The following CACNA1B variants were observed in gnomAD, a reference collection of about 807,000 sequenced individuals.
CACNA1B encodes voltage-dependent N-type calcium channel subunit alpha-1B.
Under a neutral mutation model 247.2 loss-of-function variants are expected in CACNA1B, and 70 were observed. That is an observed-to-expected ratio of 0.28 (90% CI 0.23 to 0.35). The LOEUF is 0.35. CACNA1B is among the 10% of genes least tolerant of loss of function. CACNA1B has a pLI of 1.00. For synonymous variants in CACNA1B, 1,231 were observed against 1,294.4 expected (o/e 0.95, Z 1.05); for missense variants, 2,367 against 3,197.4 (o/e 0.74, Z 6.26).
intron 15 of CACNA1B, among the ~76,000 whole-genome samples, chr9:138,002,455 T>C (rs1958588987): frequency 6.6e-6 from 1 of 150,782 alleles, no homozygotes; most frequent in Non-Finnish European, 1.5e-5. Flanking sequence ...ATGCCTATAA[T>C]CCCAGTGCTT....
intron 36 of CACNA1B, among the ~76,000 whole-genome samples, chr9:138,087,384 C>CAA (rs58566171): frequency 0.014 from 734 of 52,576 alleles, 18 homozygotes; most frequent in African/African-American, 0.037. Flanking sequence ...GACTCTGTCT[C>CAA]AAAAAAAAAA....
intron 10 of CACNA1B, among the ~76,000 whole-genome samples, chr9:137,961,184 T>C (rs1272136954): frequency 1.3e-5 from 2 of 152,214 alleles, no homozygotes; most frequent in Non-Finnish European, 2.9e-5. Flanking sequence ...TCATGCATAA[T>C]TTGGCTCTCA....
At chr9:137,998,896 G>T (rs1420512749) in intron 15 of CACNA1B, among the ~76,000 whole-genome samples, 1 of 152,212 alleles carries the variant, frequency 6.6e-6, no homozygotes, top group African/African-American at 2.4e-5. Context: ...TGAACCAGTT[G>T]TCACATACAG....
At chr9:138,076,823 G>A (rs768680650) in intron 35 of CACNA1B, among the ~76,000 whole-genome samples, 1 of 152,238 alleles carries the variant, frequency 6.6e-6, no homozygotes, top group African/African-American at 2.4e-5. Flanking sequence ...CCTGCCTGCA[G>A]ATGCGCGCTG....
chr9:138,106,713 G>A (rs1403136181), intron 39 of CACNA1B, among the ~76,000 whole-genome samples: 1 of 152,192 alleles, frequency 6.6e-6, no homozygotes, highest in African/African-American at 2.4e-5. Flanking sequence ...GCAGTGAGCT[G>A]AGATTGTACC....
At chr9:138,033,668 C>A (rs1164956182) in intron 20 of CACNA1B, among the ~76,000 whole-genome samples, 2 of 152,094 alleles carry the variant, frequency 1.3e-5, no homozygotes, top group Non-Finnish European at 2.9e-5. Context: ...GCTGAGGAGG[C>A]CTCAGGAAAC....
Position 137,984,123 on chromosome 9 carries a change from G to A in CACNA1B, c.1657-15G>A. 6.4e-7 allele frequency: 1 copy of A among 1,574,458 alleles called. No homozygotes were observed. Among genetic ancestry groups the A allele is most frequent in the Non-Finnish European group, 8.6e-7 (1 of 1,157,402 alleles). Reference sequence around the variant, plus strand: ...CAGATACGGTGCACCCAAGGCTAATGCCATCCCGTTGCAGGTCATCGTGGG... The same window carrying A: ...CAGATACGGTGCACCCAAGGCTAATACCATCCCGTTGCAGGTCATCGTGGG... On this transcript the variant is annotated splice_polypyrimidine_tract_variant and intron_variant, in intron 12 of 46. Transcript: ENST00000371372.
In CACNA1B at chr9:138,023,572, G is replaced by C. The variant is rs1958878631; in HGVS notation, c.2829G>C (p.Pro943=). ...ACCGCGCGCACCGGCACCAGGATCCGAGCAAGGAGTGCGCCGGCGCCAAGG... is the reference window on the plus strand; with the variant it reads ...ACCGCGCGCACCGGCACCAGGATCCCAGCAAGGAGTGCGCCGGCGCCAAGG... ...RRHRAHRHQD[P]SKECAGAKGE... Residue 943 remains proline (P), a synonymous_variant, in exon 19 of 47, where the codon CCG becomes CCC. Coordinates refer to ENST00000371372, the MANE Select transcript of CACNA1B (RefSeq NM_000718.4). 1.2e-5 allele frequency: 13 copies of C among 1,084,666 alleles called. No homozygotes were observed. The highest frequency in any genetic ancestry group is 1.3e-5 in the Non-Finnish European group (12 of 889,324). The allele number at this position is 1,084,666 out of a possible 1,614,324, so 67.2% of individuals were successfully genotyped here.
In CACNA1B at chr9:138,100,134, G is replaced by A. The variant is rs536812267; in HGVS notation, c.5223-2577G>A. On this transcript the variant is annotated intron_variant, in intron 37 of 46. Coordinates refer to ENST00000371372, the MANE Select transcript of CACNA1B (RefSeq NM_000718.4). The surrounding 1 kb of genome is among the most constrained non-coding windows in gnomAD (Gnocchi z 4.6). ...TGAGCTGAACTTAAAGGAATAGGAA[G>A]GATTGAGCACTAGAGAAATAGGATG... Among the ~76,000 whole-genome samples, 1 of 152,342 alleles carries A rather than the reference G, an allele frequency of 6.6e-6. No individual in the cohort carries two copies. The highest frequency in any genetic ancestry group is 1.9e-4 in the East Asian group (1 of 5,188).
chr9:138,053,859 G>C lies in CACNA1B; in HGVS notation c.3821G>C (p.Cys1274Ser). The change falls in exon 26 of 47, where the codon TGT (cysteine) becomes TCT (serine). Residue 1274 changes from cysteine (C) to serine (S), a missense_variant. This residue lies in a region of CACNA1B where 436 missense variants were observed against 679.5 expected (regional missense o/e 0.64). Transcript: ENST00000371372. ...CTCCTCCTGCAGGCTGTGTTTGACT[G>C]TGTGGTGAACTCCCTGAAGAATGTC... The part of the protein sequence containing the change: ...RLPKLKAVFD[C>S]VVNSLKNVLN... 6.2e-7 allele frequency: 1 copy of C among 1,612,758 alleles called. No individual in the cohort carries two copies. Among genetic ancestry groups the C allele is most frequent in the East Asian group, 2.2e-5 (1 of 44,826 alleles).
intron 6 of CACNA1B, among the ~76,000 whole-genome samples, chr9:137,951,867 T>G (rs1039390340): frequency 3.9e-5 from 6 of 152,166 alleles, no homozygotes; most frequent in Non-Finnish European, 8.8e-5. Flanking sequence ...TGGGCCCCCT[T>G]CAGGAGGACA....
At chr9:137,965,971 T>C (rs1958071130) in intron 10 of CACNA1B, among the ~76,000 whole-genome samples, 2 of 152,252 alleles carry the variant, frequency 1.3e-5, no homozygotes, top group Non-Finnish European at 2.9e-5. Context: ...ATATAAAGTT[T>C]ATGATTGTTA....
At chr9:137,911,592 T>A (rs541274692) in intron 3 of CACNA1B, among the ~76,000 whole-genome samples, 1 of 151,950 alleles carries the variant, frequency 6.6e-6, no homozygotes, top group South Asian at 2.1e-4. Flanking sequence ...GTTTTTGTAT[T>A]TTTTTTTGTA....
intron 6 of CACNA1B, among the ~76,000 whole-genome samples, chr9:137,921,615 A>T (rs1957480526): frequency 6.8e-6 from 1 of 146,458 alleles, no homozygotes; most frequent in Non-Finnish European, 1.5e-5. Flanking sequence ...GCATCCTGGG[A>T]GCAGAGTAAA....
In CACNA1B at chr9:138,058,738, G is replaced by GCCCCC; in HGVS notation, c.4473+5_4473+6insCCCCC. 6.3e-7 allele frequency: 1 copy of GCCCCC among 1,598,662 alleles called. No individual in the cohort carries two copies. The highest frequency in any genetic ancestry group is 8.5e-7 in the Non-Finnish European group (1 of 1,172,466). On this transcript the variant is annotated splice_donor_region_variant and intron_variant, in intron 29 of 46. Transcript: ENST00000371372. This position sits in a 1 kb window ranked among gnomAD's most constrained non-coding sequence, Gnocchi z 4.7. ...ACTGTGGTGCTGATGATGAAGGTGT[G>GCCCCC]TGGGGCTCAGCGCAGAGGGGCAGCT...
chr9:137,923,297 A>G (rs34141327), intron 6 of CACNA1B, among the ~76,000 whole-genome samples: 35,405 of 95,284 alleles, frequency 0.37, 6,415 homozygotes, highest in East Asian at 0.69. Context: ...GTGGTATTCC[A>G]TGGTGCCAGG....
chr9:137,921,537 G>A (rs1297983365), intron 6 of CACNA1B, among the ~76,000 whole-genome samples: 127 of 108,158 alleles, frequency 1.2e-3, no homozygotes, highest in Non-Finnish European at 1.8e-3. Context: ...CATCAGCACC[G>A]TGACCGCACA....
chr9:138,100,561 G>A lies in CACNA1B; in HGVS notation c.5223-2150G>A, dbSNP rs538702453. ...AACATGATTTGGAGCTGATTGGACC[G>A]AGGGGGCTACACTGTAGGAGAGAGG... On this transcript the variant is annotated intron_variant, in intron 37 of 46. Transcript: ENST00000371372. The surrounding 1 kb of genome is among the most constrained non-coding windows in gnomAD (Gnocchi z 4.6). Among the ~76,000 whole-genome samples, 12 of 152,266 alleles carry A rather than the reference G, an allele frequency of 7.9e-5. No homozygotes were observed. The highest frequency in any genetic ancestry group is 5.8e-4 in the East Asian group (3 of 5,164).
At position 137,973,087 on chromosome 9, in the gene CACNA1B, C is replaced by T. The variant is rs954153577; in HGVS notation, c.1543+1495C>T. On this transcript the variant is annotated intron_variant, in intron 11 of 46. Transcript: ENST00000371372. This position sits in a 1 kb window ranked among gnomAD's most constrained non-coding sequence, Gnocchi z 4.1. ...GAGAGGCTGTTGGTGTGCAGTGAGT[C>T]GGCAGGCAGTGGGGTAGGGGTAGGG... Among the ~76,000 whole-genome samples the T allele has an allele frequency of 3.9e-5, 6 of 152,292 alleles. No individual in the cohort carries two copies. Among genetic ancestry groups the T allele is most frequent in the African/African-American group, 7.2e-5 (3 of 41,558 alleles).
Sources: allele counts gnomAD v4.1 joint callset (sites outside exome capture counted in the v4.1 genomes callset), GRCh38; gene constraint gnomAD v4.1.1; regional missense constraint gnomAD v4.1.1; non-coding constraint Gnocchi (gnomAD v3.1); transcripts MANE v1.5; gene names NCBI Gene and HGNC (gene_info 2026-07-23, HGNC 2026-07-21).